Variants in CD163 observed in about 807,000 individuals in gnomAD.
CD163 encodes the protein CD163 molecule, also known as scavenger receptor cysteine-rich type 1 protein M130.
CD163 carries 64 observed loss-of-function variants against 129.2 expected under a neutral mutation model. That is an observed-to-expected ratio of 0.50 (90% CI 0.41 to 0.61). CD163 has a LOEUF of 0.61. Ranked by LOEUF, CD163 falls within the 20% of genes least tolerant of loss-of-function variation. CD163 has a pLI of 0.00. For missense variants in CD163, 1,061 were observed against 1,377.9 expected (o/e 0.77, Z 3.64); for synonymous variants, 446 against 478.5 (o/e 0.93, Z 0.89).
In CD163 at chr12:7,481,142, C is replaced by A; in HGVS notation, c.3343+19G>T. The A allele has an allele frequency of 6.2e-7, 1 of 1,612,352 alleles. No individual in the cohort carries two copies. Among genetic ancestry groups the A allele is most frequent in the East Asian group, 2.2e-5 (1 of 44,854 alleles). ...TGATCTGAACCCCTGGGCAATAGAC[C>A]CTCCAAGAACCCACAGACCTGAGGA... is the stretch of plus-strand genomic sequence containing the variant. On this transcript the variant is annotated intron_variant, in intron 15 of 16. Transcript: ENST00000432237.
chr12:7,500,465 TG>T (rs1949468532), intron 3 of CD163, among the ~76,000 whole-genome samples: 1 of 75,792 alleles, frequency 1.3e-5, no homozygotes, highest in South Asian at 4.1e-4. Context: ...CAAAAAGAAA[TG>T]GGGATCCCAG....
intron 6 of CD163, among the ~76,000 whole-genome samples, chr12:7,491,971 C>G (rs1949331999): frequency 6.6e-6 from 1 of 152,084 alleles, no homozygotes; most frequent in East Asian, 1.9e-4. Context: ...GCTGTATAGC[C>G]CTGTACTATA....
At position 7,483,612 on chromosome 12, in the gene CD163, C is replaced by A. The variant is rs1306818352; in HGVS notation, c.2843G>T (p.Gly948Val). 1.9e-6 allele frequency: 3 copies of A among 1,613,386 alleles called. No homozygotes were observed. Among genetic ancestry groups the A allele is most frequent in the Non-Finnish European group, 2.5e-6 (3 of 1,179,818 alleles). ...CSGRVEIWHG[G>V]SWGTVCDDSW... ...GTCATCACACACTGTCCCCCAGGAA[C>A]CTCCATGCCAGATCTCCACACGTCC... The change falls in exon 12 of 17, where the codon GGT becomes GTT. Residue 948 changes from glycine to valine, a missense_variant. Gly to Val is a moderately radical substitution (Grantham distance 109). Coordinates refer to ENST00000432237, the MANE Select transcript of CD163 (RefSeq NM_203416.4).
At position 7,487,474 on chromosome 12, in the gene CD163, G is replaced by A; in HGVS notation, c.1935C>T (p.Ile645=). 1.2e-6 allele frequency: 2 copies of A among 1,614,102 alleles called. No homozygotes were observed. Among genetic ancestry groups the A allele is most frequent in the South Asian group, 1.1e-5 (1 of 91,080 alleles). The change falls in exon 8 of 17, where the codon ATC becomes ATT. Residue 645 remains isoleucine (I), a synonymous_variant. Transcript: ENST00000432237. This position sits in a 1 kb window ranked among gnomAD's most constrained non-coding sequence, Gnocchi z 5.1. ...CAGTGCAGTGAAACATATGCCTCCA[G>A]ATCTGACCATTTCCTTTTCCAAAAC... ...GARFGKGNGQ[I]WRHMFHCTGT...
rs761562814 is a variant in CD163, at chr12:7,486,692, C to G, written c.2265G>C (p.Val755=). Residue 755 remains valine, a synonymous_variant, in exon 10 of 17, where the codon GTG becomes GTC. Coordinates refer to ENST00000432237, the MANE Select transcript of CD163 (RefSeq NM_203416.4). ...DDSWDLSDAH[V]VCRQLGCGEA... ...CTCCACAGCCCAGCTGTCTGCAAAC[C>G]ACGTGGGCATCACTCAGGTCCCAGC... 8.7e-6 allele frequency: 14 copies of G among 1,614,192 alleles called. No individual in the cohort carries two copies. Among genetic ancestry groups the G allele is most frequent in the Non-Finnish European group, 1.1e-5 (13 of 1,180,026 alleles).
At chr12:7,479,784 A>T (rs1423484997) in intron 16 of CD163, 76 bp downstream of exon 16, 15 of 1,468,512 alleles carry the variant, frequency 1.0e-5, no homozygotes, top group Non-Finnish European at 1.4e-5. Flanking sequence ...CTTTCTTTCT[A>T]ATGCCAGAAG....
At position 7,487,152 on chromosome 12, in the gene CD163, TA is replaced by T. The variant is rs1949262805; in HGVS notation, c.2051-167del. On this transcript the variant is annotated intron_variant, in intron 8 of 16. Coordinates refer to ENST00000432237, the MANE Select transcript of CD163 (RefSeq NM_203416.4). The surrounding 1 kb of genome is among the most constrained non-coding windows in gnomAD (Gnocchi z 5.1). ...GGTGCTTTGAGATGGGCTTGGCACA[TA>T]GTAAGCACTGGATAACTAAGAAGTC... is the stretch of plus-strand genomic sequence containing the variant. 6.6e-6 allele frequency among the ~76,000 whole-genome samples: 1 copy of T among 152,180 alleles called. No homozygotes were observed. The highest frequency in any genetic ancestry group is 1.5e-5 in the Non-Finnish European group (1 of 68,016).
At chr12:7,483,305 C>T in intron 12 of CD163, 62 bp downstream of exon 12, 1 of 1,502,122 alleles carries the variant, frequency 6.7e-7, no homozygotes, top group Non-Finnish European at 9.1e-7. Flanking sequence ...CAACACACAT[C>T]ACTGCCCAAC....
At chr12:7,472,123 G>A (rs778231372) in intron 16 of CD163, among the ~76,000 whole-genome samples, 3 of 152,334 alleles carry the variant, frequency 2.0e-5, no homozygotes, top group Admixed American at 2.0e-4. Flanking sequence ...GCGGCTGTGG[G>A]TGCAGCTTCA....
chr12:7,495,834 G>A (rs1392479392), intron 5 of CD163, among the ~76,000 whole-genome samples: 1 of 152,188 alleles, frequency 6.6e-6, no homozygotes, highest in Non-Finnish European at 1.5e-5. Context: ...AACAGATGTT[G>A]GCAAGGATGT....
chr12:7,497,181 G>A lies in CD163; in HGVS notation c.779-48C>T, dbSNP rs759668195. 6.0e-6 allele frequency: 9 copies of A among 1,489,350 alleles called. No individual in the cohort carries two copies. The Admixed American group carries it at 1.2e-4, about 19-fold the overall frequency. 92.3% of individuals were successfully genotyped at this position (1,489,350 alleles called of 1,614,324 possible). On this transcript the variant is annotated intron_variant, in intron 4 of 16. Transcript: ENST00000432237. ...GTCTGCGATAAGGAAGCAAGAACAT[G>A]AGACTATAAATAGCTATACCTGAGA... is the stretch of plus-strand genomic sequence containing the variant.
At chr12:7,480,107 G>T in intron 15 of CD163, 194 bp from the exon 16 acceptor site, 1 of 930,856 alleles carries the variant, frequency 1.1e-6, no homozygotes, top group Non-Finnish European at 1.6e-6. Flanking sequence ...AAAAGCATGT[G>T]TGATTTAAGG....
intron 4 of CD163, among the ~76,000 whole-genome samples, chr12:7,497,852 T>C (rs1949423632): frequency 6.6e-6 from 1 of 152,116 alleles, no homozygotes; most frequent in South Asian, 2.1e-4. Flanking sequence ...CAGTCTGTGT[T>C]TTTTCTACTC....
At chr12:7,474,297 G>A (rs1949053985) in intron 16 of CD163, among the ~76,000 whole-genome samples, 1 of 151,994 alleles carries the variant, frequency 6.6e-6, no homozygotes, top group Admixed American at 6.6e-5. Context: ...GCACCACATA[G>A]CACTTATTCT....
At position 7,497,050 on chromosome 12, in the gene CD163, C is replaced by G. The variant is rs766666350; in HGVS notation, c.862G>C (p.Gly288Arg). 6.2e-7 allele frequency: 1 copy of G among 1,614,080 alleles called. No homozygotes were observed. The highest frequency in any genetic ancestry group is 1.1e-5 in the South Asian group (1 of 91,082). ...RLEVRFQGEW[G>R]TICDDGWDSY... ...TCCCAGCCGTCATCACATATTGTCC[C>G]CCATTCTCCTTGGAATCTCACTTCT... The change falls in exon 5 of 17, where the codon GGG (glycine) becomes CGG (arginine). Residue 288 changes from glycine (G) to arginine (R), a missense_variant. Gly to Arg is a moderately radical substitution (Grantham distance 125). Transcript: ENST00000432237.
At chr12:7,480,835 G>A in intron 15 of CD163, 2 of 972,724 alleles carry the variant, frequency 2.1e-6, no homozygotes, top group Non-Finnish European at 2.5e-6. Context: ...AAAGAAAAAA[G>A]TTAAACTGTC....
chr12:7,496,720 A>G lies in CD163; in HGVS notation c.1099+93T>C. 2 of 1,028,708 alleles carry G rather than the reference A, an allele frequency of 1.9e-6. No individual in the cohort carries two copies. The highest frequency in any genetic ancestry group is 1.4e-5 in the South Asian group (1 of 73,276). The allele number at this position is 1,028,708 out of a possible 1,614,324, so 63.7% of individuals were successfully genotyped here. A position where few individuals can be genotyped will look rare whatever the true frequency, so the allele number is the denominator to read the frequency against. On this transcript the variant is annotated intron_variant, in intron 5 of 16. Transcript: ENST00000432237. This position sits in a 1 kb window ranked among gnomAD's most constrained non-coding sequence, Gnocchi z 4.8. Reference sequence around the variant, plus strand: ...ATTTACTAGGCATTTCTACTTCTTAAGGAGCACGTTCCTACTCTTAAGGAG... The same window carrying G: ...ATTTACTAGGCATTTCTACTTCTTAGGGAGCACGTTCCTACTCTTAAGGAG...
At chr12:7,482,609 T>C in intron 14 of CD163, 34 bp downstream of exon 14, 2 of 1,612,590 alleles carry the variant, frequency 1.2e-6, no homozygotes, top group Non-Finnish European at 1.7e-6. Flanking sequence ...CCTTATCCTG[T>C]AGACATATTA....
At position 7,486,505 on chromosome 12, in the gene CD163, A is replaced by G. The variant is rs1196239145; in HGVS notation, c.2452T>C (p.Cys818Arg). Reference protein sequence around the residue: ...CRHKEDAGVICSEFMSLRLTS... With the variant: ...CRHKEDAGVIRSEFMSLRLTS... Reference sequence around the variant, plus strand: ...GGTCATATGCATAATTTACCTGAGCAGATAACTCCCGCATCCTCCTTGTGC... The same window carrying G: ...GGTCATATGCATAATTTACCTGAGCGGATAACTCCCGCATCCTCCTTGTGC... The change falls in exon 10 of 17, where the codon TGC becomes CGC. Residue 818 changes from cysteine (C) to arginine (R), a missense_variant. Physicochemically the swap from Cys to Arg is radical, Grantham distance 180. Transcript: ENST00000432237. The G allele has an allele frequency of 6.2e-7, 1 of 1,613,364 alleles. No homozygotes were observed. The highest frequency in any genetic ancestry group is 8.5e-7 in the Non-Finnish European group (1 of 1,179,456).
Sources: allele counts gnomAD v4.1 joint callset (sites outside exome capture counted in the v4.1 genomes callset), GRCh38; gene constraint gnomAD v4.1.1; non-coding constraint Gnocchi (gnomAD v3.1); transcripts MANE v1.5; gene names NCBI Gene and HGNC (gene_info 2026-07-23, HGNC 2026-07-21).